PRKCA: variants seen among roughly 807,000 people sequenced by gnomAD.
The protein encoded by PRKCA is protein kinase C alpha type.
In PRKCA, 27 loss-of-function variants were observed where a neutral mutation model predicts 87.0. That is an observed-to-expected ratio of 0.31 (90% CI 0.23 to 0.43). PRKCA has a LOEUF of 0.43. Among genes scored for constraint, PRKCA ranks in the 20% least tolerant of loss-of-function variants. The pLI, the probability that PRKCA is intolerant of heterozygous loss-of-function variation, is 1.00. For missense variants in PRKCA, 518 were observed against 852.3 expected, an observed-to-expected ratio of 0.61 and a Z score of 4.88; for synonymous variants, 329 against 311.1, an observed-to-expected ratio of 1.06 and a Z score of -0.61.
intron 3 of PRKCA, among the ~76,000 whole-genome samples, chr17:66,556,323 C>CTTTTTTTTTTTTTTTTTTTTTTTTT (rs61549626): frequency 1.6e-5 from 2 of 129,008 alleles, no homozygotes; most frequent in Non-Finnish European, 3.3e-5. Context: ...CTTTCTTCTT[C>CTTTTTTTTTTTTTTTTTTTTTTTTT]TTTTTTTTTT....
At chr17:66,401,981 A>G (rs1911062251) in intron 2 of PRKCA, among the ~76,000 whole-genome samples, 1 of 152,200 alleles carries the variant, frequency 6.6e-6, no homozygotes, top group Admixed American at 6.5e-5. Context: ...AGATGTATGC[A>G]GTAGTTAAAA....
intron 2 of PRKCA, among the ~76,000 whole-genome samples, chr17:66,438,895 C>T (rs953532598): frequency 8.5e-5 from 13 of 152,226 alleles, no homozygotes; most frequent in African/African-American, 2.4e-4. Flanking sequence ...GTCCCTCCTA[C>T]GACATGTGGG....
chr17:66,731,171 C>T (rs909655100), intron 8 of PRKCA, among the ~76,000 whole-genome samples: 9 of 151,860 alleles, frequency 5.9e-5, no homozygotes, highest in East Asian at 1.9e-4. Context: ...CCCAACATGG[C>T]GAAACCCCAT....
rs753793351 is a variant in PRKCA, at chr17:66,738,802, G to T, written c.1269G>T (p.Gly423=). ...LYFVMEYVNG[G]DLMYHIQQVG... is the part of the protein sequence containing the mutation. ...TCGTCATGGAATATGTCAACGGTGGGGACCTCATGTACCACATTCAGCAAG... is the reference window on the plus strand; with the variant it reads ...TCGTCATGGAATATGTCAACGGTGGTGACCTCATGTACCACATTCAGCAAG... The change falls in exon 11 of 17, where the codon GGG becomes GGT. Residue 423 remains glycine, a synonymous_variant. Coordinates refer to ENST00000413366, the MANE Select transcript of PRKCA (RefSeq NM_002737.3). The T allele has an allele frequency of 3.1e-6, 5 of 1,613,522 alleles. No homozygotes were observed. The highest frequency in any genetic ancestry group is 4.2e-6 in the Non-Finnish European group (5 of 1,179,810).
At chr17:66,466,244 A>G (rs915037429) in intron 2 of PRKCA, among the ~76,000 whole-genome samples, 1 of 152,200 alleles carries the variant, frequency 6.6e-6, no homozygotes, top group African/African-American at 2.4e-5. Flanking sequence ...ATTTTGGAAC[A>G]TGAACTGCAC....
intron 2 of PRKCA, among the ~76,000 whole-genome samples, chr17:66,482,057 C>T (rs373625709): frequency 3.0e-4 from 42 of 141,854 alleles, no homozygotes; most frequent in African/African-American, 1.0e-3. Flanking sequence ...GCCAAAATCG[C>T]GCCATTGTAC....
At chr17:66,347,085 A>G (rs1237074982) in intron 2 of PRKCA, among the ~76,000 whole-genome samples, 1 of 152,094 alleles carries the variant, frequency 6.6e-6, no homozygotes, top group Admixed American at 6.6e-5. Context: ...CATAGATTTT[A>G]TCTACTGATA....
At chr17:66,350,759 A>G (rs1309505955) in intron 2 of PRKCA, among the ~76,000 whole-genome samples, 4 of 152,080 alleles carry the variant, frequency 2.6e-5, no homozygotes, top group Non-Finnish European at 5.9e-5. Context: ...TCCTGGGCTC[A>G]AGCAATCTGC....
At chr17:66,487,759 A>C (rs1313633095) in intron 2 of PRKCA, among the ~76,000 whole-genome samples, 1 of 152,106 alleles carries the variant, frequency 6.6e-6, no homozygotes, top group Non-Finnish European at 1.5e-5. Context: ...CATTTCCTTC[A>C]TAATTAGTGG....
chr17:66,321,475 C>T (rs931582562), intron 2 of PRKCA, among the ~76,000 whole-genome samples: 3 of 152,256 alleles, frequency 2.0e-5, no homozygotes, highest in African/African-American at 7.2e-5. Flanking sequence ...TTTATTGTTC[C>T]TTTGTGCCTG....
At chr17:66,510,668 TC>T (rs1184882183) in intron 3 of PRKCA, among the ~76,000 whole-genome samples, 1 of 152,230 alleles carries the variant, frequency 6.6e-6, no homozygotes, top group Non-Finnish European at 1.5e-5. Flanking sequence ...GAGACTGTCT[TC>T]AGAAATCTTA....
intron 4 of PRKCA, among the ~76,000 whole-genome samples, chr17:66,641,825 A>C (rs1042459841): frequency 2.0e-5 from 3 of 152,110 alleles, no homozygotes; most frequent in African/African-American, 7.2e-5. Context: ...TATAGCTTCA[A>C]AATAAGCCAA....
At chr17:66,653,832 G>A (rs1333870711) in intron 5 of PRKCA, among the ~76,000 whole-genome samples, 3 of 146,382 alleles carry the variant, frequency 2.0e-5, no homozygotes, top group African/African-American at 7.6e-5. Flanking sequence ...GCTTTATGAT[G>A]CTCACATATG....
intron 13 of PRKCA, among the ~76,000 whole-genome samples, chr17:66,760,059 A>G (rs947578080): frequency 1.3e-5 from 2 of 152,228 alleles, no homozygotes; most frequent in Admixed American, 1.3e-4. Flanking sequence ...GAACTCAGCA[A>G]TACTGTCCTG....
At chr17:66,358,379 A>C (rs1349340758) in intron 2 of PRKCA, among the ~76,000 whole-genome samples, 1 of 152,168 alleles carries the variant, frequency 6.6e-6, no homozygotes. Flanking sequence ...ATGGCTGCAT[A>C]ATGTGTAAGT....
intron 5 of PRKCA, among the ~76,000 whole-genome samples, chr17:66,683,507 A>G (rs1972544800): frequency 6.6e-6 from 1 of 152,156 alleles, no homozygotes; most frequent in African/African-American, 2.4e-5. Context: ...GTGTTTGACT[A>G]AAACATCCCA....
At chr17:66,335,531 C>T (rs1906607462) in intron 2 of PRKCA, among the ~76,000 whole-genome samples, 1 of 151,360 alleles carries the variant, frequency 6.6e-6, no homozygotes, top group African/African-American at 2.4e-5. Context: ...GTAGCTAATG[C>T]TGTAGAACTG....
chr17:66,426,189 G>T (rs1181133099), intron 2 of PRKCA, among the ~76,000 whole-genome samples: 1 of 152,190 alleles, frequency 6.6e-6, no homozygotes, highest in Non-Finnish European at 1.5e-5. Context: ...CATGAACCAG[G>T]ATATTCGGGG....
rs2144467604 is a variant in PRKCA at position 66,810,310 on chromosome 17, G to A, written c.*6273G>A. On this transcript the variant is annotated 3_prime_UTR_variant, in exon 17 of 17. Coordinates refer to ENST00000413366, the MANE Select transcript of PRKCA (RefSeq NM_002737.3). ...AGAATATTCAAAATCAATCATGAAG[G>A]CAGTTACTATTTTGAGTCTAAAGGT... The A allele has an allele frequency of 6.6e-6, 1 of 152,236 alleles. No homozygotes were observed. Among genetic ancestry groups the A allele is most frequent in the South Asian group, 2.1e-4 (1 of 4,814 alleles). The allele number at this position is 152,236 out of a possible 1,614,324, so 9.4% of individuals were successfully genotyped here.
Sources: allele counts gnomAD v4.1 joint callset (sites outside exome capture counted in the v4.1 genomes callset), GRCh38; gene constraint gnomAD v4.1.1; transcripts MANE v1.5; gene names NCBI Gene and HGNC (gene_info 2026-07-23, HGNC 2026-07-21).